BLTP1: variants seen among roughly 807,000 people sequenced by gnomAD.
The protein encoded by BLTP1 is fragile site-associated protein.
At chr4:122,254,316 A>G in the BLTP1 span, 10 of 1,612,162 alleles carry the variant, frequency 6.2e-6, no homozygotes, top group East Asian at 2.2e-5. Flanking sequence ...GCTCCCACCA[A>G]TGTGAGATCT....
the BLTP1 span, chr4:122,313,990 A>G: frequency 1.1e-6 from 1 of 928,060 alleles, no homozygotes; most frequent in Non-Finnish European, 1.3e-6. Context: ...AGGCACATGT[A>G]CAAAATTACA....
the BLTP1 span, chr4:122,154,198 C>G: frequency 1.5e-5 from 4 of 270,112 alleles, no homozygotes; most frequent in Non-Finnish European, 1.8e-5. Context: ...TTTTTTGAGA[C>G]GGAGTCTCGC....
At chr4:122,221,936 C>A in the BLTP1 span, 1 of 978,966 alleles carries the variant, frequency 1.0e-6, no homozygotes, top group Non-Finnish European at 1.2e-6. Context: ...ACATAGAAAA[C>A]ATTTTATTGA....
chr4:122,348,532 G>A, the BLTP1 span: 1 of 1,527,500 alleles, frequency 6.5e-7, no homozygotes. Context: ...TGGCATTTAT[G>A]TGAATGAACA....
the BLTP1 span, chr4:122,175,373 T>C: frequency 1.8e-6 from 1 of 566,646 alleles, no homozygotes; most frequent in African/African-American, 2.1e-5. Flanking sequence ...TTATGAGAAA[T>C]GAAGGAACAT....
At chr4:122,154,099 G>A in the BLTP1 span, 2 of 980,562 alleles carry the variant, frequency 2.0e-6, no homozygotes, top group African/African-American at 3.6e-5. Flanking sequence ...TGCAAACTCT[G>A]GAAAAAAACT....
the BLTP1 span, chr4:122,359,481 A>C: frequency 1.3e-6 from 2 of 1,528,006 alleles, no homozygotes; most frequent in Non-Finnish European, 1.8e-6. Flanking sequence ...TAAAATGAGA[A>C]ATGAAACCAA....
chr4:122,321,860 A>G, the BLTP1 span, among the ~76,000 whole-genome samples: 57 of 149,892 alleles, frequency 3.8e-4, no homozygotes, highest in African/African-American at 1.4e-3. Flanking sequence ...TTTCCTCTCA[A>G]CACTTTAAAT....
the BLTP1 span, chr4:122,254,692 A>C: frequency 8.0e-7 from 1 of 1,243,892 alleles, no homozygotes; most frequent in Non-Finnish European, 1.0e-6. Context: ...TCAAAAAGAA[A>C]AGAAATTAAT....
chr4:122,346,059 C>A, the BLTP1 span: 10 of 978,316 alleles, frequency 1.0e-5, no homozygotes, highest in Non-Finnish European at 1.2e-5. Context: ...TGGGCTCAGA[C>A]AAAAACAGAA....
At chr4:122,172,387 AT>A in the BLTP1 span, 4 of 644,624 alleles carry the variant, frequency 6.2e-6, no homozygotes, top group Non-Finnish European at 7.7e-6. Flanking sequence ...CATGAACTAG[AT>A]TTTTTGAGAA....
the BLTP1 span, chr4:122,243,397 A>G: frequency 1.0e-6 from 1 of 984,964 alleles, no homozygotes; most frequent in Non-Finnish European, 1.2e-6. Flanking sequence ...ATCAATTAGC[A>G]TTTTAGTACT....
the BLTP1 span, chr4:122,335,951 A>G: frequency 2.9e-6 from 1 of 340,212 alleles, no homozygotes; most frequent in African/African-American, 2.1e-5. Context: ...TATAAAGCTG[A>G]AAAACTGGAC....
chr4:122,345,529 G>A, the BLTP1 span, among the ~76,000 whole-genome samples: 1 of 151,898 alleles, frequency 6.6e-6, no homozygotes, highest in Non-Finnish European at 1.5e-5. Flanking sequence ...ACATTTAATT[G>A]GTTTAAGTGG....
the BLTP1 span, among the ~76,000 whole-genome samples, chr4:122,321,453 TATAC>T: frequency 9.2e-5 from 14 of 151,424 alleles, no homozygotes; most frequent in Non-Finnish European, 1.5e-4. Context: ...CACACACATT[TATAC>T]ATACATGTGC....
the BLTP1 span, among the ~76,000 whole-genome samples, chr4:122,188,763 C>T: frequency 6.6e-6 from 1 of 151,982 alleles, no homozygotes; most frequent in African/African-American, 2.4e-5. Flanking sequence ...GTAAAGGATA[C>T]TCTGGTTGAA....
chr4:122,335,352 G>A, the BLTP1 span, among the ~76,000 whole-genome samples: 1 of 152,038 alleles, frequency 6.6e-6, no homozygotes, highest in African/African-American at 2.4e-5. Context: ...ACAAGGGCAT[G>A]AATACCAGGA....
At chr4:122,189,411 A>T in the BLTP1 span, 1 of 983,514 alleles carries the variant, frequency 1.0e-6, no homozygotes, top group Non-Finnish European at 1.2e-6. Flanking sequence ...TTCCAGAGTT[A>T]GAGTTCACGA....
At chr4:122,266,582 T>C in the BLTP1 span, 1 of 153,940 alleles carries the variant, frequency 6.5e-6, no homozygotes, top group Non-Finnish European at 1.4e-5. Flanking sequence ...TGAAGATGAG[T>C]GGCCTATAAT....
Sources: allele counts gnomAD v4.1 joint callset (sites outside exome capture counted in the v4.1 genomes callset), GRCh38; gene constraint gnomAD v4.1.1; transcripts MANE v1.5; gene names NCBI Gene and HGNC (gene_info 2026-07-23, HGNC 2026-07-21).